NFIB: variants seen among roughly 807,000 people sequenced by gnomAD.
NFIB encodes the protein nuclear factor I B.
A neutral mutation model predicts 61.5 loss-of-function variants in NFIB; 11 were observed. The observed-to-expected ratio is 0.18, with a 90% CI of 0.11 to 0.30. The LOEUF (loss-of-function observed/expected upper bound fraction) is 0.30, where lower values mean the gene tolerates loss of function less well. Ranked by LOEUF, NFIB falls within the 10% of genes least tolerant of loss-of-function variation. NFIB has a pLI of 1.00. For synonymous variants in NFIB, 260 were observed against 216.5 expected (o/e 1.20, Z -1.76); for missense variants, 471 against 608.9 (o/e 0.77, Z 2.38).
intron 1 of NFIB, among the ~76,000 whole-genome samples, chr9:14,335,043 C>G (rs940036407): frequency 2.0e-5 from 3 of 152,188 alleles, no homozygotes; most frequent in African/African-American, 7.2e-5. Context: ...CATTAGTACT[C>G]CATTGTATTG....
chr9:14,378,388 C>T (rs559778234), intron 1 of NFIB, among the ~76,000 whole-genome samples: 7 of 152,222 alleles, frequency 4.6e-5, no homozygotes, highest in South Asian at 2.1e-4. Context: ...GATGGAGTCT[C>T]GCTCTGTCAC....
At position 14,086,166 on chromosome 9, in the gene NFIB, G is replaced by A. The variant is rs754610381; in HGVS notation, c.*2143C>T. 4 of 223,422 alleles carry A rather than the reference G, an allele frequency of 1.8e-5. No homozygotes were observed. Among genetic ancestry groups the A allele is most frequent in the African/African-American group, 4.5e-5 (2 of 44,700 alleles). 13.8% of individuals were successfully genotyped at this position (223,422 alleles called of 1,614,324 possible). The stretch of plus-strand genomic sequence containing the variant: ...GTTTGTCACAGTAGGCAGAACAGTC[G>A]CTTTGCAGCCCAGGCCCATCTCAGG... On this transcript the variant is annotated 3_prime_UTR_variant, in exon 11 of 11. Coordinates refer to ENST00000380953, the MANE Select transcript of NFIB (RefSeq NM_001190737.2).
At chr9:14,487,936 G>A in the NFIB span, among the ~76,000 whole-genome samples, 4 of 152,130 alleles carry the variant, frequency 2.6e-5, no homozygotes, top group Admixed American at 1.3e-4. Context: ...AATGGGTTAG[G>A]TCAGAAGCCT....
rs33918801 is a variant in NFIB at position 14,083,479 on chromosome 9, T to TAAAA, written c.*4826_*4829dup. The TAAAA allele has an allele frequency of 6.6e-5, 9 of 135,498 alleles. No homozygotes were observed. The highest frequency in any genetic ancestry group is 1.2e-4 in the Non-Finnish European group (8 of 68,934). 8.4% of individuals were successfully genotyped at this position (135,498 alleles called of 1,614,324 possible). A position where few individuals can be genotyped will look rare whatever the true frequency, so the allele number is the denominator to read the frequency against. On this transcript the variant is annotated 3_prime_UTR_variant, in exon 11 of 11. Coordinates refer to ENST00000380953, the MANE Select transcript of NFIB (RefSeq NM_001190737.2). Reference sequence around the variant, plus strand: ...TATTGAACTTGAATAGCCTGCACATTAAAAAAAAAAAAAAAAAAAAAGTTT... The same window carrying TAAAA: ...TATTGAACTTGAATAGCCTGCACATTAAAAAAAAAAAAAAAAAAAAAAAAAGTTT...
At chr9:14,268,520 C>A (rs1296782695) in intron 2 of NFIB, among the ~76,000 whole-genome samples, 1 of 152,138 alleles carries the variant, frequency 6.6e-6, no homozygotes, top group Non-Finnish European at 1.5e-5. Context: ...CTGTTTCCTG[C>A]CTCCAGGACC....
chr9:14,243,276 CTAAT>C (rs1281980464), intron 2 of NFIB, among the ~76,000 whole-genome samples: 2 of 152,206 alleles, frequency 1.3e-5, no homozygotes, highest in East Asian at 3.9e-4. Flanking sequence ...AAAAAGATAA[CTAAT>C]TATTTGAAAG....
intron 1 of NFIB, among the ~76,000 whole-genome samples, chr9:14,323,194 C>T (rs1053690674): frequency 1.3e-5 from 2 of 151,796 alleles, no homozygotes; most frequent in Non-Finnish European, 2.9e-5. Context: ...GGTAGTCACG[C>T]GAATATCAAA....
chr9:14,129,515 C>A (rs1586890014), intron 6 of NFIB, among the ~76,000 whole-genome samples: 1 of 151,438 alleles, frequency 6.6e-6, no homozygotes, highest in Non-Finnish European at 1.5e-5. Flanking sequence ...TAATCATGAA[C>A]CAAACTAGTG....
the NFIB span, among the ~76,000 whole-genome samples, chr9:14,515,114 G>A: frequency 0.02 from 3,047 of 152,068 alleles, 99 homozygotes; most frequent in African/African-American, 0.068. Context: ...TGGGATGGCG[G>A]TTGTTAGAAA....
chr9:14,134,535 A>G (rs1563820108), intron 6 of NFIB, among the ~76,000 whole-genome samples: 1 of 152,148 alleles, frequency 6.6e-6, no homozygotes, highest in Non-Finnish European at 1.5e-5. Context: ...CTAAATATTC[A>G]TCAGCAAAGT....
the NFIB span, among the ~76,000 whole-genome samples, chr9:14,421,317 AT>A: frequency 6.6e-6 from 1 of 152,348 alleles, no homozygotes; most frequent in South Asian, 2.1e-4. Flanking sequence ...GATTTGTTAA[AT>A]AATTATAAAT....
At chr9:14,314,816 CTT>C (rs929043283), upstream of NFIB, among the ~76,000 whole-genome samples, 17 of 148,932 alleles carry the variant, frequency 1.1e-4, no homozygotes, top group African/African-American at 4.2e-4. Flanking sequence ...CAAAATAGCT[CTT>C]CTTTCCGCTG....
intron 2 of NFIB, among the ~76,000 whole-genome samples, chr9:14,225,620 C>A (rs960435251): frequency 3.4e-5 from 5 of 148,388 alleles, no homozygotes; most frequent in Non-Finnish European, 1.5e-5. Context: ...ATAGAAACAA[C>A]ATGAAAAAAT....
At chr9:14,291,838 T>A (rs1183334080) in intron 2 of NFIB, among the ~76,000 whole-genome samples, 1 of 151,962 alleles carries the variant, frequency 6.6e-6, no homozygotes, top group Non-Finnish European at 1.5e-5. Context: ...CAAATCTCAA[T>A]CATCTTTTCT....
Position 14,137,721 on chromosome 9 carries a change from T to C in NFIB, c.925+8968A>G, listed in dbSNP as rs192410663. 2.6e-5 allele frequency among the ~76,000 whole-genome samples: 4 copies of C among 152,232 alleles called. No individual in the cohort carries two copies. The East Asian group carries it at 7.7e-4, about 29-fold the overall frequency. On this transcript the variant is annotated intron_variant, in intron 6 of 10. Coordinates refer to ENST00000380953, the MANE Select transcript of NFIB (RefSeq NM_001190737.2). ...AAGAAAACATATGTATGATAATAAA[T>C]ATATACTTTATTTTTATATTTTGAC...
chr9:14,167,820 G>A (rs1363588369), intron 3 of NFIB, among the ~76,000 whole-genome samples: 1 of 152,150 alleles, frequency 6.6e-6, no homozygotes, highest in Non-Finnish European at 1.5e-5. Flanking sequence ...TCATGGTCAA[G>A]TGAACTCTAA....
chr9:14,385,835 T>C (rs1323534125), intron 1 of NFIB, among the ~76,000 whole-genome samples: 2 of 150,814 alleles, frequency 1.3e-5, no homozygotes, highest in African/African-American at 2.4e-5. Context: ...CAGGCTGGAG[T>C]GCAGTGGTGC....
chr9:14,466,658 T>C, the NFIB span, among the ~76,000 whole-genome samples: 1 of 152,174 alleles, frequency 6.6e-6, no homozygotes, highest in Non-Finnish European at 1.5e-5. Context: ...CTCTGCCCTT[T>C]CTCCTCTCTT....
At chr9:14,444,237 T>A in the NFIB span, among the ~76,000 whole-genome samples, 3 of 152,184 alleles carry the variant, frequency 2.0e-5, no homozygotes, top group Admixed American at 6.5e-5. Context: ...GTTTGGAAGC[T>A]GCAATATATA....
Sources: gnomAD v4.1 joint callset for allele counts (sites outside exome capture counted in the v4.1 genomes callset) on GRCh38, gnomAD v4.1.1 for gene constraint, MANE v1.5 for transcripts, NCBI Gene and HGNC (gene_info 2026-07-23, HGNC 2026-07-21) for gene names.